Variants in RNLS observed in about 807,000 individuals in gnomAD.
RNLS encodes renalase, FAD dependent amine oxidase.
In RNLS, 39 loss-of-function variants were observed where a neutral mutation model predicts 39.8. The ratio of observed to expected loss-of-function variants is 0.98; its 90% CI spans 0.76 to 1.28. The LOEUF (loss-of-function observed/expected upper bound fraction) is 1.28. Ranked by LOEUF, RNLS falls within the 50% of genes most tolerant of loss-of-function variation. RNLS has a pLI of 0.00. For missense variants in RNLS, 410 were observed against 413.3 expected, an observed-to-expected ratio of 0.99 and a Z score of 0.07; for synonymous variants, 147 against 150.7, an observed-to-expected ratio of 0.98 and a Z score of 0.18.
intron 5 of RNLS, among the ~76,000 whole-genome samples, chr10:88,331,531 A>T (rs888136395): frequency 5.3e-5 from 8 of 152,240 alleles, no homozygotes; most frequent in African/African-American, 1.9e-4. Context: ...AAACACATGC[A>T]AAGTAATAAC....
chr10:88,360,440 GT>G (rs1365088037), intron 5 of RNLS, among the ~76,000 whole-genome samples: 2 of 152,056 alleles, frequency 1.3e-5, no homozygotes, highest in Non-Finnish European at 2.9e-5. Flanking sequence ...ATTATTTATT[GT>G]TATTATTTTT....
the RNLS span, among the ~76,000 whole-genome samples, chr10:88,212,954 G>A: frequency 6.6e-6 from 1 of 152,180 alleles, no homozygotes; most frequent in African/African-American, 2.4e-5. Flanking sequence ...TACTTCAAAT[G>A]TGTGATTCAG....
intron 4 of RNLS, among the ~76,000 whole-genome samples, chr10:88,528,785 G>A (rs111282690): frequency 0.028 from 4,295 of 151,498 alleles, 91 homozygotes; most frequent in Non-Finnish European, 0.045. Flanking sequence ...CCCAGGAGGC[G>A]GAGGTTGCAG....
chr10:88,578,947 G>A (rs555614195), intron 3 of RNLS, among the ~76,000 whole-genome samples: 286 of 152,146 alleles, frequency 1.9e-3, no homozygotes, highest in Middle Eastern at 3.4e-3. Context: ...TTGAACAAAA[G>A]GATATGTGTA....
At chr10:88,391,326 G>A (rs1408502588) in intron 4 of RNLS, among the ~76,000 whole-genome samples, 8 of 152,066 alleles carry the variant, frequency 5.3e-5, no homozygotes, top group African/African-American at 1.4e-4. Context: ...TGGGAGTTCC[G>A]AGGCCGGTGG....
At chr10:88,203,256 GTGTGTGTGTA>G in the RNLS span, among the ~76,000 whole-genome samples, 7 of 9,148 alleles carry the variant, frequency 7.7e-4, no homozygotes, top group Non-Finnish European at 9.7e-4. Flanking sequence ...GTGTGTGTGT[GTGTGTGTGTA>G]TGTATATATA....
At chr10:88,366,265 AC>A (rs1850092253) in intron 4 of RNLS, among the ~76,000 whole-genome samples, 1 of 151,916 alleles carries the variant, frequency 6.6e-6, no homozygotes, top group South Asian at 2.1e-4. Flanking sequence ...GGAAGCTACT[AC>A]TCGTTATGAG....
the RNLS span, among the ~76,000 whole-genome samples, chr10:88,186,503 G>A: frequency 6.6e-6 from 1 of 152,114 alleles, no homozygotes. Context: ...GCAGAAGAAT[G>A]TTGAGTGACT....
intron 4 of RNLS, among the ~76,000 whole-genome samples, chr10:88,375,541 A>G (rs1361520448): frequency 6.6e-6 from 1 of 151,894 alleles, no homozygotes; most frequent in African/African-American, 2.4e-5. Flanking sequence ...GCAGATTACA[A>G]CATTATTTCT....
intron 4 of RNLS, among the ~76,000 whole-genome samples, chr10:88,379,240 CAG>C (rs60608036): frequency 1.3e-5 from 2 of 152,276 alleles, no homozygotes; most frequent in African/African-American, 4.8e-5. Context: ...AAATTAATAA[CAG>C]GGAATTTCTT....
intron 4 of RNLS, among the ~76,000 whole-genome samples, chr10:88,455,658 G>A (rs1842587118): frequency 1.3e-5 from 2 of 151,864 alleles, no homozygotes; most frequent in African/African-American, 4.8e-5. Context: ...CGCCTGCCTC[G>A]ACCTCCGAAA....
At chr10:88,391,634 A>G (rs1220412079) in intron 4 of RNLS, among the ~76,000 whole-genome samples, 1 of 152,178 alleles carries the variant, frequency 6.6e-6, no homozygotes, top group Non-Finnish European at 1.5e-5. Flanking sequence ...TATTAAAAAT[A>G]TTTGTTATTA....
chr10:88,453,344 C>T (rs1011004408), intron 4 of RNLS, among the ~76,000 whole-genome samples: 19 of 152,192 alleles, frequency 1.2e-4, no homozygotes, highest in African/African-American at 3.4e-4. Flanking sequence ...TCCTTCCCGG[C>T]GGTAGCCCAC....
Position 88,410,923 on chromosome 10 carries a change from G to T in RNLS, c.527-48198C>A, listed in dbSNP as rs76172074. Among the ~76,000 whole-genome samples, 1,510 of 152,224 alleles carry T rather than the reference G, an allele frequency of 9.9e-3. 27 individuals are homozygous for T. Among genetic ancestry groups the T allele is most frequent in the African/African-American group, 0.034 (1,433 of 41,550 alleles). On this transcript the variant is annotated intron_variant, in intron 4 of 6. Coordinates refer to ENST00000331772, the MANE Select transcript of RNLS (RefSeq NM_001031709.3). ...TCTTGTGTATTGAGGTACTTCAAGGGAATCTTTATAAGAGAGTTAAAGCCA... is the reference window on the plus strand; with the variant it reads ...TCTTGTGTATTGAGGTACTTCAAGGTAATCTTTATAAGAGAGTTAAAGCCA...
chr10:88,531,535 G>A (rs1438641175), intron 4 of RNLS, among the ~76,000 whole-genome samples: 1 of 152,002 alleles, frequency 6.6e-6, no homozygotes, highest in African/African-American at 2.4e-5. Flanking sequence ...TTAGATGTTA[G>A]CAATGCAGGC....
intron 6 of RNLS, among the ~76,000 whole-genome samples, chr10:88,293,046 TCAAAA>T (rs1481021043): frequency 6.6e-6 from 1 of 152,100 alleles, no homozygotes; most frequent in East Asian, 1.9e-4. Flanking sequence ...AGACTCTGTC[TCAAAA>T]CAAATAACAA....
At chr10:88,247,638 A>C in the RNLS span, among the ~76,000 whole-genome samples, 1 of 152,194 alleles carries the variant, frequency 6.6e-6, no homozygotes, top group Non-Finnish European at 1.5e-5. Flanking sequence ...TGGTAGATAG[A>C]CTAATAGCCT....
At chr10:88,281,993 C>T (rs569863088), downstream of RNLS, among the ~76,000 whole-genome samples, 13 of 152,176 alleles carry the variant, frequency 8.5e-5, no homozygotes, top group East Asian at 3.9e-4. Flanking sequence ...AAAGGATGAA[C>T]GCACGGTGAG....
chr10:88,245,094 C>A, the RNLS span, among the ~76,000 whole-genome samples: 1 of 152,136 alleles, frequency 6.6e-6, no homozygotes, highest in African/African-American at 2.4e-5. Context: ...AAAAGCTTTG[C>A]CCATATGAAA....
Sources: gnomAD v4.1 joint callset for allele counts (sites outside exome capture counted in the v4.1 genomes callset) on GRCh38, gnomAD v4.1.1 for gene constraint, MANE v1.5 for transcripts, NCBI Gene and HGNC (gene_info 2026-07-23, HGNC 2026-07-21) for gene names.